Variants in SHISA6 observed in about 807,000 individuals in gnomAD.
SHISA6 encodes protein shisa-6.
Under a neutral mutation model 47.9 loss-of-function variants are expected in SHISA6, and 22 were observed. The ratio of observed to expected loss-of-function variants is 0.46; its 90% CI spans 0.33 to 0.66. The LOEUF (loss-of-function observed/expected upper bound fraction) is 0.66, where lower values mean the gene tolerates loss of function less well. SHISA6 is among the 30% of genes least tolerant of loss of function. SHISA6 has a pLI of 0.02. For synonymous variants in SHISA6, 388 were observed against 337.8 expected, an observed-to-expected ratio of 1.15 and a Z score of -1.63; for missense variants, 680 against 764.6, an observed-to-expected ratio of 0.89 and a Z score of 1.30.
chr17:11,459,776 G>A (rs1915650579), intron 3 of SHISA6, among the ~76,000 whole-genome samples: 1 of 152,192 alleles, frequency 6.6e-6, no homozygotes, highest in Non-Finnish European at 1.5e-5. Flanking sequence ...GTTGTATTCA[G>A]TCACAGAACA....
intron 3 of SHISA6, among the ~76,000 whole-genome samples, chr17:11,521,518 T>G (rs2071629073): frequency 6.6e-6 from 1 of 152,190 alleles, no homozygotes; most frequent in African/African-American, 2.4e-5. Context: ...GCGCAGTGGT[T>G]CACGCCTGTA....
intron 3 of SHISA6, 51 bp from the exon 4 acceptor site, chr17:11,551,845 T>G (rs547153069): frequency 4.2e-6 from 6 of 1,438,102 alleles, no homozygotes; most frequent in East Asian, 5.0e-5. Context: ...GTTGGAGAGA[T>G]AGTGGAATGC....
chr17:11,247,863 C>T (rs1907652803), intron 1 of SHISA6, among the ~76,000 whole-genome samples: 1 of 151,798 alleles, frequency 6.6e-6, no homozygotes, highest in African/African-American at 2.4e-5. Context: ...CAACTTCCGC[C>T]TCCCTGGTTT....
intron 3 of SHISA6, among the ~76,000 whole-genome samples, chr17:11,467,228 T>A (rs1390082676): frequency 6.6e-6 from 1 of 152,176 alleles, no homozygotes; most frequent in Non-Finnish European, 1.5e-5. Flanking sequence ...GCGTCTACCA[T>A]GTCCACGTAC....
intron 3 of SHISA6, among the ~76,000 whole-genome samples, chr17:11,424,878 G>T (rs1262005204): frequency 6.6e-6 from 1 of 151,510 alleles, no homozygotes; most frequent in East Asian, 2.0e-4. Flanking sequence ...GCGTGGTGGC[G>T]GGTGCCTGTA....
intron 1 of SHISA6, among the ~76,000 whole-genome samples, chr17:11,259,059 G>T (rs1475421674): frequency 6.6e-6 from 1 of 152,042 alleles, no homozygotes; most frequent in East Asian, 1.9e-4. Context: ...TAGAGTGTTG[G>T]ATGGATGGAT....
chr17:11,467,943 C>G (rs1915850953), intron 3 of SHISA6, among the ~76,000 whole-genome samples: 1 of 152,068 alleles, frequency 6.6e-6, no homozygotes, highest in African/African-American at 2.4e-5. Context: ...TTCATAACGT[C>G]CTTGATATTA....
intron 3 of SHISA6, among the ~76,000 whole-genome samples, chr17:11,514,421 G>A (rs1178907047): frequency 6.6e-6 from 1 of 152,172 alleles, no homozygotes; most frequent in Non-Finnish European, 1.5e-5. Flanking sequence ...TGGTCATCAA[G>A]TTTTTTCAGG....
chr17:11,558,113 C>T lies in SHISA6; in HGVS notation c.1465C>T (p.Arg489Cys), dbSNP rs1011419092. 5.2e-6 allele frequency: 8 copies of T among 1,551,472 alleles called. No homozygotes were observed. Among genetic ancestry groups the T allele is most frequent in the South Asian group, 1.2e-5 (1 of 84,068 alleles). ...CTTTGTGTCCACACCCGTGCTGGAC[C>T]GCTACCGCATGAGCAAGATGCACTC... is the stretch of plus-strand genomic sequence containing the variant. ...DVFVSTPVLD[R>C]YRMSKMHSHP... is the part of the protein sequence containing the mutation. Residue 489 changes from arginine (R) to cysteine (C), a missense_variant, in exon 6 of 6, where the codon CGC becomes TGC. Arg to Cys is a radical substitution (Grantham distance 180). This residue lies in a region of SHISA6 where 559 missense variants were observed against 674.1 expected (regional missense o/e 0.83). Transcript: ENST00000441885.
rs188794089 is a variant in SHISA6 at position 11,397,795 on chromosome 17, A to G, written c.895+18286A>G. 3.9e-3 allele frequency among the ~76,000 whole-genome samples: 587 copies of G among 151,926 alleles called. 7 individuals are homozygous for G. Among genetic ancestry groups the G allele is most frequent in the Middle Eastern group, 6.8e-3 (2 of 294 alleles). ...TTCTCTTTGAAGTCTTGGTTTTGCT[A>G]GGACATCAGAGTTGATGATTCCGAG... On this transcript the variant is annotated intron_variant, in intron 3 of 5. Transcript: ENST00000441885.
chr17:11,390,826 T>C (rs554366710), intron 3 of SHISA6, among the ~76,000 whole-genome samples: 4 of 152,248 alleles, frequency 2.6e-5, no homozygotes, highest in Admixed American at 2.6e-4. Flanking sequence ...CAGAGACATG[T>C]TACATTTGCC....
chr17:11,346,637 A>G (rs1911708616), intron 2 of SHISA6, among the ~76,000 whole-genome samples: 3 of 152,212 alleles, frequency 2.0e-5, no homozygotes, highest in Admixed American at 2.0e-4. Context: ...TACTTAAAGG[A>G]AATTGAAAAT....
intron 3 of SHISA6, among the ~76,000 whole-genome samples, chr17:11,486,018 A>T (rs747397834): frequency 2.0e-5 from 3 of 152,288 alleles, no homozygotes; most frequent in Non-Finnish European, 4.4e-5. Flanking sequence ...AGATAATGAG[A>T]TAAACAAAAA....
intron 3 of SHISA6, among the ~76,000 whole-genome samples, chr17:11,525,907 G>T (rs756623981): frequency 1.7e-4 from 26 of 152,086 alleles, no homozygotes; most frequent in Non-Finnish European, 3.2e-4. Flanking sequence ...TACTTGGGAG[G>T]CCAAGGTGAG....
At chr17:11,390,416 G>A (rs77770193) in intron 3 of SHISA6, among the ~76,000 whole-genome samples, 5,685 of 152,146 alleles carry the variant, frequency 0.037, 192 homozygotes, top group Admixed American at 0.088. Flanking sequence ...GTTTAAGAGC[G>A]CTGTAGAATC....
At chr17:11,420,196 A>T (rs1914412493) in intron 3 of SHISA6, among the ~76,000 whole-genome samples, 1 of 152,148 alleles carries the variant, frequency 6.6e-6, no homozygotes, top group South Asian at 2.1e-4. Context: ...AGAGGGAGAC[A>T]CCATCTCAAA....
At chr17:11,279,436 G>T (rs1161878457) in intron 2 of SHISA6, among the ~76,000 whole-genome samples, 7 of 152,068 alleles carry the variant, frequency 4.6e-5, no homozygotes, top group African/African-American at 4.8e-5. Flanking sequence ...TACTATTAGG[G>T]AGCTAGGATC....
intron 2 of SHISA6, among the ~76,000 whole-genome samples, chr17:11,322,103 T>C (rs1910735701): frequency 6.6e-6 from 1 of 152,214 alleles, no homozygotes; most frequent in South Asian, 2.1e-4. Flanking sequence ...TACTATGAGT[T>C]AACATTATTT....
chr17:11,381,770 A>C (rs1016081542), intron 3 of SHISA6, among the ~76,000 whole-genome samples: 2 of 152,172 alleles, frequency 1.3e-5, no homozygotes, highest in African/African-American at 4.8e-5. Flanking sequence ...TCCCCTGCCC[A>C]TGCCTGTGGG....
Sources: gnomAD v4.1 joint callset for allele counts (sites outside exome capture counted in the v4.1 genomes callset) on GRCh38, gnomAD v4.1.1 for gene constraint, gnomAD v4.1.1 regional missense constraint, MANE v1.5 for transcripts, NCBI Gene and HGNC (gene_info 2026-07-23, HGNC 2026-07-21) for gene names.